DUSP13A: variants seen among roughly 807,000 people sequenced by gnomAD.
DUSP13A encodes the protein dual specificity phosphatase 13A, also known as dual specificity protein phosphatase 13A.
chr10:75,108,193 G>GGTT, the DUSP13A span: 3 of 1,606,024 alleles, frequency 1.9e-6, no homozygotes, highest in Non-Finnish European at 2.6e-6. Context: ...AGCTCAAAGC[G>GGTT]GTTGTTTGCC....
At chr10:75,108,920 T>G in the DUSP13A span, 2 of 1,493,310 alleles carry the variant, frequency 1.3e-6, no homozygotes. Context: ...CTATTTCTCC[T>G]TGTTTCCACC....
At chr10:75,109,105 C>A in the DUSP13A span, 1 of 1,612,126 alleles carries the variant, frequency 6.2e-7, no homozygotes, top group Middle Eastern at 1.7e-4. Flanking sequence ...GATGCTGGGG[C>A]AAGGCGTGGC....
chr10:75,107,877 TA>T, the DUSP13A span: 1 of 1,284,818 alleles, frequency 7.8e-7, no homozygotes, highest in Non-Finnish European at 1.1e-6. Flanking sequence ...ACACACGGCC[TA>T]AGCAGAGGAT....
chr10:75,105,917 C>T, the DUSP13A span: 5 of 1,521,080 alleles, frequency 3.3e-6, no homozygotes, highest in Non-Finnish European at 4.4e-6. Context: ...ACCGGCCCAC[C>T]CACGGGCTGG....
At chr10:75,108,730 C>T in the DUSP13A span, among the ~76,000 whole-genome samples, 1 of 152,202 alleles carries the variant, frequency 6.6e-6, no homozygotes, top group Non-Finnish European at 1.5e-5. Context: ...ATTTCCTGGG[C>T]CTCTGCCTCT....
At chr10:75,108,106 C>G in the DUSP13A span, 1 of 1,613,724 alleles carries the variant, frequency 6.2e-7, no homozygotes, top group South Asian at 1.1e-5. Flanking sequence ...ACACTGCTGC[C>G]GTAGAAGTCA....
At chr10:75,108,036 G>A in the DUSP13A span, 5 of 1,613,848 alleles carry the variant, frequency 3.1e-6, no homozygotes, top group Non-Finnish European at 4.2e-6. Context: ...AGCCGCAGAG[G>A]AGAAGTAGGC....
chr10:75,105,771 C>T, the DUSP13A span: 371 of 1,551,942 alleles, frequency 2.4e-4, 3 homozygotes, highest in South Asian at 3.8e-3. Flanking sequence ...CGGTGATCAC[C>T]GCCTGGCGCA....
the DUSP13A span, among the ~76,000 whole-genome samples, chr10:75,108,496 C>T: frequency 1.3e-5 from 2 of 152,166 alleles, no homozygotes. Context: ...TTGCTTCAGC[C>T]CTGGAACCTG....
At chr10:75,107,101 C>T in the DUSP13A span, among the ~76,000 whole-genome samples, 11 of 152,230 alleles carry the variant, frequency 7.2e-5, no homozygotes, top group South Asian at 1.7e-3. Context: ...TTTGGGAGGC[C>T]GAGGCAGACA....
chr10:75,108,860 C>T, the DUSP13A span: 4 of 1,056,292 alleles, frequency 3.8e-6, no homozygotes, highest in Non-Finnish European at 5.2e-6. Flanking sequence ...GACCTCAGCA[C>T]CCCCGGGGGT....
At chr10:75,106,109 T>C in the DUSP13A span, among the ~76,000 whole-genome samples, 1 of 150,318 alleles carries the variant, frequency 6.7e-6, no homozygotes, top group African/African-American at 2.4e-5. Flanking sequence ...TTCTTTTTTT[T>C]TTTTTTTTTT....
At chr10:75,109,048 C>T in the DUSP13A span, 159 of 1,611,424 alleles carry the variant, frequency 9.9e-5, no homozygotes, top group Non-Finnish European at 1.2e-4. Flanking sequence ...TTCGTCCACA[C>T]GGCTGCAAGA....
At chr10:75,108,126 T>C in the DUSP13A span, 1 of 1,613,720 alleles carries the variant, frequency 6.2e-7, no homozygotes, top group Middle Eastern at 1.7e-4. Flanking sequence ...AGGGCCGCCC[T>C]GACAGTAGAG....
chr10:75,105,726 GCCTC>G, the DUSP13A span: 1 of 1,554,330 alleles, frequency 6.4e-7, no homozygotes, highest in African/African-American at 1.4e-5. Flanking sequence ...GGTGCAGGAA[GCCTC>G]GGTTGGGGAA....
the DUSP13A span, among the ~76,000 whole-genome samples, chr10:75,106,835 T>C: frequency 2.0e-5 from 3 of 152,200 alleles, no homozygotes; most frequent in African/African-American, 7.2e-5. Flanking sequence ...GTGTGTTGGA[T>C]ACTAAAAAGT....
chr10:75,107,912 G>T, the DUSP13A span: 1 of 1,436,786 alleles, frequency 7.0e-7, no homozygotes, highest in Non-Finnish European at 9.5e-7. Flanking sequence ...GGATGGGAGG[G>T]CACTGATGAC....
chr10:75,108,926 C>T, the DUSP13A span: 1 of 1,502,402 alleles, frequency 6.7e-7, no homozygotes, highest in Non-Finnish European at 8.9e-7. Flanking sequence ...CTCCTTGTTT[C>T]CACCCTCCTG....
chr10:75,106,943 C>G, the DUSP13A span, among the ~76,000 whole-genome samples: 1 of 152,358 alleles, frequency 6.6e-6, no homozygotes, highest in Middle Eastern at 3.4e-3. Flanking sequence ...GTGAGGGACA[C>G]AGCTGTCTTC....
Sources: gnomAD v4.1 joint callset for allele counts (sites outside exome capture counted in the v4.1 genomes callset) on GRCh38, gnomAD v4.1.1 for gene constraint, MANE v1.5 for transcripts, NCBI Gene and HGNC (gene_info 2026-07-23, HGNC 2026-07-21) for gene names.